Variants in GPR37 observed in about 807,000 individuals in gnomAD.
GPR37 encodes the protein G protein-coupled receptor 37, also known as prosaposin receptor GPR37.
A neutral mutation model predicts 43.6 loss-of-function variants in GPR37; 20 were observed. The observed-to-expected ratio is 0.46, with a 90% CI of 0.32 to 0.67. The LOEUF (loss-of-function observed/expected upper bound fraction) is 0.67. Among genes scored for constraint, GPR37 ranks in the 30% least tolerant of loss-of-function variants. GPR37 has a pLI of 0.03. For missense variants in GPR37, 724 were observed against 797.2 expected (o/e 0.91, Z 1.11); for synonymous variants, 315 against 322.6 (o/e 0.98, Z 0.25).
chr7:124,762,401 A>G (rs756475402), intron 1 of GPR37, among the ~76,000 whole-genome samples: 1 of 151,858 alleles, frequency 6.6e-6, no homozygotes, highest in African/African-American at 2.4e-5. Context: ...AGATAAGCCA[A>G]TACACTTCTC....
rs1045006832 is a variant in GPR37, at chr7:124,745,664, A to G, written c.*861T>C. On this transcript the variant is annotated 3_prime_UTR_variant, in exon 2 of 2. Transcript: ENST00000303921. ...CAGTGTTCAGAGGAAATCAGATGAC[A>G]ACTGCATTTTAAAATTCTTGATTCT... Among the ~76,000 whole-genome samples, 1 of 152,302 alleles carries G rather than the reference A, an allele frequency of 6.6e-6. No homozygotes were observed. Among genetic ancestry groups the G allele is most frequent in the African/African-American group, 2.4e-5 (1 of 41,570 alleles).
Position 124,746,984 on chromosome 7 carries a change from G to A in GPR37, c.1383C>T (p.Cys461=), listed in dbSNP as rs746041839. 9 of 1,614,038 alleles carry A rather than the reference G, an allele frequency of 5.6e-6. No individual in the cohort carries two copies. Among genetic ancestry groups the A allele is most frequent in the South Asian group, 1.1e-5 (1 of 91,088 alleles). Residue 461 remains cysteine, a synonymous_variant, in exon 2 of 2, where the codon TGC becomes TGT. Coordinates refer to ENST00000303921, the MANE Select transcript of GPR37 (RefSeq NM_005302.5). The stretch of plus-strand genomic sequence containing the variant: ...GGATTTTCCTCGCAGTCACTAGAGA[G>A]CAGGTGATGGTGAAAAGCGTGGGCA... ...FCLPTLFTIT[C]SLVTARKIRK... is the part of the protein sequence containing the mutation.
At chr7:124,759,901 T>A (rs1166772781) in intron 1 of GPR37, among the ~76,000 whole-genome samples, 1 of 152,190 alleles carries the variant, frequency 6.6e-6, no homozygotes, top group Non-Finnish European at 1.5e-5. Flanking sequence ...AAGTACCTCA[T>A]ATTTTTCTAC....
At position 124,746,366 on chromosome 7, in the gene GPR37, C is replaced by T. The variant is rs1793669662; in HGVS notation, c.*159G>A. ...ACTAAATAGAAACTTTTTTTCAAAG[C>T]ACAAATATTAATTTGTAAAATCAGT... On this transcript the variant is annotated 3_prime_UTR_variant, in exon 2 of 2. Transcript: ENST00000303921. 2.0e-6 allele frequency: 1 copy of T among 504,824 alleles called. No individual in the cohort carries two copies. The highest frequency in any genetic ancestry group is 3.4e-6 in the Non-Finnish European group (1 of 293,350). 31.3% of individuals were successfully genotyped at this position (504,824 alleles called of 1,614,324 possible). A position where few individuals can be genotyped will look rare whatever the true frequency, so the allele number is the denominator to read the frequency against.
At position 124,746,870 on chromosome 7, in the gene GPR37, A is replaced by T; in HGVS notation, c.1497T>A (p.Ile499=). 1 of 1,614,000 alleles carries T rather than the reference A, an allele frequency of 6.2e-7. No individual in the cohort carries two copies. The highest frequency in any genetic ancestry group is 8.5e-7 in the Non-Finnish European group (1 of 1,179,946). Residue 499 remains isoleucine, a synonymous_variant, in exon 2 of 2, where the codon ATT becomes ATA. Coordinates refer to ENST00000303921, the MANE Select transcript of GPR37 (RefSeq NM_005302.5). Reference sequence around the variant, plus strand: ...CAGGAATAATGCAAAATCCATATAAAATGGTCAGTGCCACTACTGTACAGT... The same window carrying T: ...CAGGAATAATGCAAAATCCATATAATATGGTCAGTGCCACTACTGTACAGT... ...QMNCTVVALT[I]LYGFCIIPEN...
At chr7:124,755,031 G>A (rs1793776539) in intron 1 of GPR37, among the ~76,000 whole-genome samples, 1 of 152,010 alleles carries the variant, frequency 6.6e-6, no homozygotes, top group Admixed American at 6.6e-5. Flanking sequence ...CTTAATTTTG[G>A]AGTGTATGCA....
rs752260200 is a variant in GPR37 at position 124,746,950 on chromosome 7, C to T, written c.1417G>A (p.Glu473Lys). The T allele has an allele frequency of 6.2e-7, 1 of 1,614,074 alleles. No homozygotes were observed. Among genetic ancestry groups the T allele is most frequent in the Non-Finnish European group, 8.5e-7 (1 of 1,179,962 alleles). ...LVTARKIRKAEKACTRGNKRQ... is the reference protein window; with the variant it reads ...LVTARKIRKAKKACTRGNKRQ... ...TTATTCCCTCGGGTACAGGCTTTCT[C>T]TGCTTTGCGGATTTTCCTCGCAGTC... The change falls in exon 2 of 2, where the codon GAG (glutamate) becomes AAG (lysine). Residue 473 changes from glutamate (E) to lysine (K), a missense_variant. Transcript: ENST00000303921.
Position 124,746,956 on chromosome 7 carries a change from T to C in GPR37, c.1411A>G (p.Lys471Glu). The C allele has an allele frequency of 5.6e-6, 9 of 1,614,048 alleles. No individual in the cohort carries two copies. The highest frequency in any genetic ancestry group is 5.9e-6 in the Non-Finnish European group (7 of 1,179,946). ...CSLVTARKIRKAEKACTRGNK... is the reference protein window; with the variant it reads ...CSLVTARKIREAEKACTRGNK... ...CCTCGGGTACAGGCTTTCTCTGCTT[T>C]GCGGATTTTCCTCGCAGTCACTAGA... The change falls in exon 2 of 2, where the codon AAA (lysine) becomes GAA (glutamate). Residue 471 changes from lysine to glutamate, a missense_variant. Lys to Glu is a moderately conservative substitution (Grantham distance 56). This residue lies in a region of GPR37 where 342 missense variants were observed against 441.8 expected (regional missense o/e 0.77). Coordinates refer to ENST00000303921, the MANE Select transcript of GPR37 (RefSeq NM_005302.5).
At chr7:124,755,187 C>G (rs2116318916) in intron 1 of GPR37, among the ~76,000 whole-genome samples, 1 of 152,158 alleles carries the variant, frequency 6.6e-6, no homozygotes, top group Non-Finnish European at 1.5e-5. Flanking sequence ...AGCCACTGTT[C>G]CACAGTCAAA....
chr7:124,753,623 C>A (rs1338345536), intron 1 of GPR37, among the ~76,000 whole-genome samples: 1 of 151,720 alleles, frequency 6.6e-6, no homozygotes, highest in Non-Finnish European at 1.5e-5. Flanking sequence ...CTTGAGTTAC[C>A]TTTTAAATTT....
At chr7:124,763,823 G>C (rs779635687) in intron 1 of GPR37, 131 bp downstream of exon 1, 5 of 796,386 alleles carry the variant, frequency 6.3e-6, no homozygotes, top group African/African-American at 1.7e-5. Context: ...ATTGGAAAGA[G>C]AAATGAAAGA....
chr7:124,756,961 T>C (rs1793798312), intron 1 of GPR37, among the ~76,000 whole-genome samples: 1 of 152,216 alleles, frequency 6.6e-6, no homozygotes, highest in South Asian at 2.1e-4. Context: ...GTTTTACTTC[T>C]GCAGACACAT....
At position 124,765,027 on chromosome 7, in the gene GPR37, G is replaced by A; in HGVS notation, c.-51C>T. The A allele has an allele frequency of 1.4e-6, 2 of 1,407,934 alleles. No individual in the cohort carries two copies. The highest frequency in any genetic ancestry group is 1.9e-6 in the Non-Finnish European group (2 of 1,079,408). The allele number at this position is 1,407,934 out of a possible 1,614,324, so 87.2% of individuals were successfully genotyped here. A position where few individuals can be genotyped will look rare whatever the true frequency, so the allele number is the denominator to read the frequency against. On this transcript the variant is annotated 5_prime_UTR_variant, in exon 1 of 2. An upstream open reading frame in the 5' UTR gains an earlier in-frame stop. Transcript: ENST00000303921. Reference sequence around the variant, plus strand: ...CCGCAGCTCCTGCTTAGTTAGGATCGACACCTGCTGCCGAAGTTGCTGCTG... The same window carrying A: ...CCGCAGCTCCTGCTTAGTTAGGATCAACACCTGCTGCCGAAGTTGCTGCTG...
At position 124,764,230 on chromosome 7, in the gene GPR37, G is replaced by A. The variant is rs760787906; in HGVS notation, c.747C>T (p.Asn249=). 1.3e-6 allele frequency: 2 copies of A among 1,596,012 alleles called. No homozygotes were observed. The highest frequency in any genetic ancestry group is 1.3e-5 in the African/African-American group (1 of 74,572). ...ACTCCTGGGTCAGCGGGTAGAAGGG[G>A]TTCTTCAGTCTCACACGCCGGTTCG... The part of the protein sequence containing the change: ...NSTNRRVRLK[N]PFYPLTQESY... The change falls in exon 1 of 2, where the codon AAC becomes AAT. Residue 249 remains asparagine, a synonymous_variant. Coordinates refer to ENST00000303921, the MANE Select transcript of GPR37 (RefSeq NM_005302.5). The surrounding 1 kb of genome is among the most constrained non-coding windows in gnomAD (Gnocchi z 5.4).
chr7:124,755,388 G>A (rs761152646), intron 1 of GPR37, among the ~76,000 whole-genome samples: 1 of 151,900 alleles, frequency 6.6e-6, no homozygotes, highest in African/African-American at 2.4e-5. Flanking sequence ...CTCTTCTTTT[G>A]CCTAAGCTTG....
At chr7:124,749,564 T>C (rs1183707007) in intron 1 of GPR37, among the ~76,000 whole-genome samples, 1 of 152,188 alleles carries the variant, frequency 6.6e-6, no homozygotes, top group African/African-American at 2.4e-5. Context: ...TCCCCAGAGC[T>C]ACGGCAACTT....
At position 124,762,775 on chromosome 7, in the gene GPR37, T is replaced by C. The variant is rs552045679; in HGVS notation, c.1023+1179A>G. On this transcript the variant is annotated intron_variant, in intron 1 of 1. Transcript: ENST00000303921. ...TGTCTCCAGCTTTGGTCCGTCTAAG[T>C]AGGTACTGTTTTCTGTTTACTTATC... is the stretch of plus-strand genomic sequence containing the variant. Among the ~76,000 whole-genome samples, 9 of 152,324 alleles carry C rather than the reference T, an allele frequency of 5.9e-5. No individual in the cohort carries two copies. The South Asian group carries it at 1.9e-3, about 32-fold the overall frequency.
intron 1 of GPR37, among the ~76,000 whole-genome samples, chr7:124,757,737 C>T (rs899213528): frequency 6.6e-6 from 1 of 152,036 alleles, no homozygotes; most frequent in African/African-American, 2.4e-5. Context: ...TAGAACATTA[C>T]TTTACTTTTC....
rs1793663352 is a variant in GPR37, at chr7:124,745,746, T to G, written c.*779A>C. On this transcript the variant is annotated 3_prime_UTR_variant, in exon 2 of 2. Transcript: ENST00000303921. ...TCTATGTGCTAGTTCAGAGGTGAAT[T>G]TTTTAAAAAAGAAACTTTCTTCCTA... Among the ~76,000 whole-genome samples, 1 of 152,158 alleles carries G rather than the reference T, an allele frequency of 6.6e-6. No homozygotes were observed. The highest frequency in any genetic ancestry group is 2.1e-4 in the South Asian group (1 of 4,830).
Sources: allele counts gnomAD v4.1 joint callset (sites outside exome capture counted in the v4.1 genomes callset), GRCh38; gene constraint gnomAD v4.1.1; regional missense constraint gnomAD v4.1.1; non-coding constraint Gnocchi (gnomAD v3.1); transcripts MANE v1.5; gene names NCBI Gene and HGNC (gene_info 2026-07-23, HGNC 2026-07-21).